Variants in KCNB2 observed in about 807,000 individuals in gnomAD.
KCNB2 encodes delayed rectifier potassium channel protein.
A neutral mutation model predicts 61.5 loss-of-function variants in KCNB2; 15 were observed. That is an observed-to-expected ratio of 0.24 (90% CI 0.16 to 0.38). KCNB2 has a LOEUF of 0.38. Among genes scored for constraint, KCNB2 ranks in the 10% least tolerant of loss-of-function variants. The probability of loss-of-function intolerance (pLI) is 1.00; values close to 1 mark genes in which losing one functional copy is unlikely to be tolerated. For missense variants in KCNB2, 828 were observed against 1,125.2 expected (o/e 0.74, Z 3.78); for synonymous variants, 457 against 446.0 (o/e 1.02, Z -0.31).
chr8:72,813,703 A>T (rs1184807462), intron 2 of KCNB2, among the ~76,000 whole-genome samples: 1 of 152,226 alleles, frequency 6.6e-6, no homozygotes, highest in Non-Finnish European at 1.5e-5. Context: ...TATAAAGTGG[A>T]TAGCTTAATT....
intron 2 of KCNB2, among the ~76,000 whole-genome samples, chr8:72,773,974 A>G (rs1364756868): frequency 6.6e-6 from 1 of 152,204 alleles, no homozygotes; most frequent in East Asian, 1.9e-4. Context: ...TCAAGTTATT[A>G]ATTATACTAC....
chr8:72,552,791 A>C (rs1806364692), intron 1 of KCNB2, among the ~76,000 whole-genome samples: 1 of 152,134 alleles, frequency 6.6e-6, no homozygotes, highest in Non-Finnish European at 1.5e-5. Context: ...ACAAAATGTG[A>C]AGTATTGTAC....
Position 72,936,820 on chromosome 8 carries a change from C to G in KCNB2, c.1465C>G (p.Pro489Ala). 1 of 1,614,100 alleles carries G rather than the reference C, an allele frequency of 6.2e-7. No homozygotes were observed. Among genetic ancestry groups the G allele is most frequent in the Non-Finnish European group, 8.5e-7 (1 of 1,180,012 alleles). The change falls in exon 3 of 3, where the codon CCA (proline) becomes GCA (alanine). Residue 489 changes from proline to alanine, a missense_variant. By Grantham distance (27) the Pro-to-Ala change is conservative (BLOSUM62 -1). Coordinates refer to ENST00000523207, the MANE Select transcript of KCNB2 (RefSeq NM_004770.3). This position sits in a 1 kb window ranked among gnomAD's most constrained non-coding sequence, Gnocchi z 5.6. ...CTCCGCCGACGATAATCACCTGTCG[C>G]CAAGCCGGTGGAAGTGGGCCAGGAA... Reference protein sequence around the residue: ...KDSADDNHLSPSRWKWARKAL... With the variant: ...KDSADDNHLSASRWKWARKAL...
chr8:72,824,794 G>A (rs974255891), intron 2 of KCNB2, among the ~76,000 whole-genome samples: 2 of 152,148 alleles, frequency 1.3e-5, no homozygotes, highest in Non-Finnish European at 2.9e-5. Context: ...AAGAGAGAGA[G>A]TGGATGGGAT....
chr8:72,632,814 C>T (rs951644288), intron 2 of KCNB2, among the ~76,000 whole-genome samples: 11 of 152,158 alleles, frequency 7.2e-5, no homozygotes, highest in African/African-American at 2.4e-4. Context: ...CTCCAACCCC[C>T]GCCCAATATG....
chr8:72,808,157 A>G (rs777410193), intron 2 of KCNB2, among the ~76,000 whole-genome samples: 14 of 152,226 alleles, frequency 9.2e-5, no homozygotes, highest in Non-Finnish European at 1.8e-4. Context: ...AGGGATCAGT[A>G]CTGCCCTGAA....
chr8:72,918,538 A>G (rs2129008025), intron 2 of KCNB2, among the ~76,000 whole-genome samples: 1 of 152,388 alleles, frequency 6.6e-6, no homozygotes, highest in South Asian at 2.1e-4. Flanking sequence ...CATATTCAAT[A>G]GGCATTTAAG....
chr8:72,678,353 A>G (rs1054517394), intron 2 of KCNB2, among the ~76,000 whole-genome samples: 1 of 152,162 alleles, frequency 6.6e-6, no homozygotes, highest in African/African-American at 2.4e-5. Flanking sequence ...TGTTACTTCC[A>G]TCCAAAGTCT....
chr8:72,707,864 G>A (rs900012087), intron 2 of KCNB2, among the ~76,000 whole-genome samples: 1 of 152,136 alleles, frequency 6.6e-6, no homozygotes, highest in East Asian at 1.9e-4. Context: ...ATTCGCATTA[G>A]GGTAATTTGA....
chr8:72,687,975 T>C (rs1174818275), intron 2 of KCNB2, among the ~76,000 whole-genome samples: 1 of 152,048 alleles, frequency 6.6e-6, no homozygotes, highest in Non-Finnish European at 1.5e-5. Flanking sequence ...CCAGAGTCTG[T>C]GAGACAAAGT....
At chr8:72,599,117 C>T (rs1009972531) in intron 2 of KCNB2, among the ~76,000 whole-genome samples, 4 of 152,080 alleles carry the variant, frequency 2.6e-5, no homozygotes, top group African/African-American at 9.7e-5. Context: ...TCATACGGAA[C>T]CAAAAAAGAG....
At chr8:72,608,622 C>T (rs970066320) in intron 2 of KCNB2, among the ~76,000 whole-genome samples, 5 of 151,934 alleles carry the variant, frequency 3.3e-5, no homozygotes, top group Non-Finnish European at 5.9e-5. Flanking sequence ...GAGCTAGCCT[C>T]GGGGTACCAC....
intron 2 of KCNB2, among the ~76,000 whole-genome samples, chr8:72,685,115 A>G (rs754319590): frequency 1.3e-5 from 2 of 152,206 alleles, no homozygotes; most frequent in South Asian, 2.1e-4. Context: ...AGAATATTAT[A>G]TCCTTCTTAA....
chr8:72,843,089 C>T (rs898979886), intron 2 of KCNB2, among the ~76,000 whole-genome samples: 1 of 152,130 alleles, frequency 6.6e-6, no homozygotes, highest in Non-Finnish European at 1.5e-5. Flanking sequence ...GTAAATTTCC[C>T]TCTAAACACT....
At chr8:72,640,925 T>G (rs1806045475) in intron 2 of KCNB2, among the ~76,000 whole-genome samples, 1 of 152,138 alleles carries the variant, frequency 6.6e-6, no homozygotes, top group Admixed American at 6.6e-5. Context: ...TGGTCTTCAG[T>G]GCCCTCTCCA....
chr8:72,615,555 G>A lies in KCNB2; in HGVS notation c.579+47242G>A, dbSNP rs78206733. 6.8e-3 allele frequency among the ~76,000 whole-genome samples: 1,037 copies of A among 152,316 alleles called. 26 individuals carry two copies. The highest frequency in any genetic ancestry group is 0.044 in the East Asian group (225 of 5,172). On this transcript the variant is annotated intron_variant, in intron 2 of 2. Coordinates refer to ENST00000523207, the MANE Select transcript of KCNB2 (RefSeq NM_004770.3). ...TTTTAAACAAACATACAGGTGATTG[G>A]TTAGAGCTGGTTGGTCCCTTGGGCC...
intron 2 of KCNB2, among the ~76,000 whole-genome samples, chr8:72,766,540 C>T (rs1405800596): frequency 6.6e-6 from 1 of 152,138 alleles, no homozygotes; most frequent in Non-Finnish European, 1.5e-5. Context: ...TGTGAGATTT[C>T]CCAAACAGTT....
Position 72,730,475 on chromosome 8 carries a change from G to A in KCNB2, c.579+162162G>A, listed in dbSNP as rs373032402. Among the ~76,000 whole-genome samples, 131 of 152,192 alleles carry A rather than the reference G, an allele frequency of 8.6e-4. 2 individuals carry two copies. In the South Asian group the frequency reaches 0.026, roughly 30 times the overall value. ...TGATTAATTATACCTGTTGTGATTT[G>A]CCTTTTTTATTAATCTAGCAAAGTC... On this transcript the variant is annotated intron_variant, in intron 2 of 2. Transcript: ENST00000523207.
At chr8:72,785,147 G>T (rs2128998234) in intron 2 of KCNB2, among the ~76,000 whole-genome samples, 1 of 152,218 alleles carries the variant, frequency 6.6e-6, no homozygotes, top group South Asian at 2.1e-4. Context: ...TTGAGTGGTT[G>T]CTAGGGATAA....
Sources: gnomAD v4.1 joint callset for allele counts (sites outside exome capture counted in the v4.1 genomes callset) on GRCh38, gnomAD v4.1.1 for gene constraint, Gnocchi (gnomAD v3.1) non-coding constraint, MANE v1.5 for transcripts, NCBI Gene and HGNC (gene_info 2026-07-23, HGNC 2026-07-21) for gene names.